Variants in LIPA observed in about 807,000 individuals in gnomAD.
LIPA encodes lipase A, lysosomal acid type.
In LIPA, 26 loss-of-function variants were observed where a neutral mutation model predicts 40.6. That is an observed-to-expected ratio of 0.64 (90% CI 0.47 to 0.89). The LOEUF (loss-of-function observed/expected upper bound fraction) is 0.89. Ranked by LOEUF, LIPA falls within the 40% of genes least tolerant of loss-of-function variation. The probability of loss-of-function intolerance (pLI) is 0.00; values close to 1 mark genes in which losing one functional copy is unlikely to be tolerated. For missense variants in LIPA, 455 were observed against 479.6 expected, an observed-to-expected ratio of 0.95 and a Z score of 0.48; for synonymous variants, 188 against 168.4, an observed-to-expected ratio of 1.12 and a Z score of -0.90.
chr10:89,258,328 C>G (rs959975658), intron 1 of LIPA, among the ~76,000 whole-genome samples: 1 of 151,802 alleles, frequency 6.6e-6, no homozygotes. Flanking sequence ...TATAGGAGTT[C>G]CTGGAAAAAA....
intron 2 of LIPA, chr10:89,384,105 AG>A: frequency 6.2e-7 from 1 of 1,614,182 alleles, no homozygotes; most frequent in African/African-American, 1.3e-5. Flanking sequence ...ATCGAAGAAA[AG>A]GGTCTGTGGA....
At chr10:89,412,205 G>C (rs1030194679) in intron 2 of LIPA, among the ~76,000 whole-genome samples, 1 of 152,182 alleles carries the variant, frequency 6.6e-6, no homozygotes, top group Non-Finnish European at 1.5e-5. Flanking sequence ...CTGTTTAGAG[G>C]GGGGATTGAG....
intron 2 of LIPA, among the ~76,000 whole-genome samples, chr10:89,350,306 T>G: frequency 1.9e-5 from 2 of 103,228 alleles, no homozygotes; most frequent in Non-Finnish European, 2.2e-5. Flanking sequence ...GAACAAAGAG[T>G]GAAGTTACCT....
intron 2 of LIPA, chr10:89,403,160 C>A: frequency 5.6e-6 from 9 of 1,613,864 alleles, no homozygotes; most frequent in Non-Finnish European, 7.6e-6. Context: ...GGCTTTGCTA[C>A]AAGGCACAAA....
At chr10:89,248,631 C>A (rs1441238148) in intron 1 of LIPA, among the ~76,000 whole-genome samples, 1 of 149,608 alleles carries the variant, frequency 6.7e-6, no homozygotes, top group East Asian at 1.9e-4. Flanking sequence ...CCCGCCACCA[C>A]GCCCGGCAAA....
At chr10:89,358,730 C>G (rs759815450) in intron 2 of LIPA, among the ~76,000 whole-genome samples, 7 of 152,068 alleles carry the variant, frequency 4.6e-5, no homozygotes, top group Admixed American at 3.9e-4. Flanking sequence ...CAAAGTGGAT[C>G]TCATGGACAT....
chr10:89,401,119 C>CT (rs34774861), intron 2 of LIPA, among the ~76,000 whole-genome samples: 2,742 of 139,864 alleles, frequency 0.02, 49 homozygotes, highest in African/African-American at 0.051. Context: ...ATTTAGATGA[C>CT]TTTTTTTTTT....
chr10:89,217,138 T>C (rs1041321749), intron 8 of LIPA, among the ~76,000 whole-genome samples: 7 of 152,256 alleles, frequency 4.6e-5, no homozygotes, highest in African/African-American at 1.7e-4. Context: ...GCCAAATGAA[T>C]TTGAAATGGT....
chr10:89,319,762 A>T (rs1447969815), intron 1 of LIPA, among the ~76,000 whole-genome samples: 2 of 152,228 alleles, frequency 1.3e-5, no homozygotes, highest in African/African-American at 2.4e-5. Context: ...ACAACAAAAA[A>T]AGAGAATATC....
chr10:89,306,633 G>A (rs779333748), intron 1 of LIPA: 1 of 1,614,124 alleles, frequency 6.2e-7, no homozygotes, highest in South Asian at 1.1e-5. Flanking sequence ...CGTGAAGAAG[G>A]TGAAGAGGAA....
At chr10:89,295,010 GGAAATGAAAT>G in intron 1 of LIPA, among the ~76,000 whole-genome samples, 2 of 120,442 alleles carry the variant, frequency 1.7e-5, no homozygotes, top group African/African-American at 7.4e-5. Flanking sequence ...AGAAAGGAAA[GGAAATGAAAT>G]GAAAGGAAAG....
Position 89,214,805 on chromosome 10 carries a change from G to T in LIPA, c.*23C>A. On this transcript the variant is annotated 3_prime_UTR_variant, in exon 10 of 10. Transcript: ENST00000336233. ...CACATGACATAATCATTGACTTGGT[G>T]GTACACAGCTCAAGTCCAGCTTTCA... The T allele has an allele frequency of 7.6e-7, 1 of 1,314,872 alleles. No individual in the cohort carries two copies. The highest frequency in any genetic ancestry group is 1.2e-5 in the South Asian group (1 of 84,590). 81.5% of individuals were successfully genotyped at this position (1,314,872 alleles called of 1,614,324 possible). A position where few individuals can be genotyped will look rare whatever the true frequency, so the allele number is the denominator to read the frequency against.
chr10:89,392,471 A>T (rs201777435), intron 2 of LIPA: 5 of 131,586 alleles, frequency 3.8e-5, no homozygotes, highest in Non-Finnish European at 8.0e-5. Flanking sequence ...TTCATTCCCC[A>T]CCCCCCCCCG....
chr10:89,380,551 G>A (rs535562889), intron 2 of LIPA, among the ~76,000 whole-genome samples: 53 of 151,392 alleles, frequency 3.5e-4, no homozygotes, highest in African/African-American at 1.1e-3. Flanking sequence ...ATCCTCCCAC[G>A]TCAGCCCAAG....
In LIPA at chr10:89,214,971, C is replaced by T. The variant is rs751167376; in HGVS notation, c.1057G>A (p.Val353Ile). ...GTGATCTGAGTCAGTAAGATATTGA[C>T]GTCGTAGACATCTGCAAGCCAGTCG... The part of the protein sequence containing the change: ...GHDWLADVYD[V>I]NILLTQITNL... Residue 353 changes from valine (V) to isoleucine (I), a missense_variant, in exon 10 of 10, where the codon GTC becomes ATC. Coordinates refer to ENST00000336233, the MANE Select transcript of LIPA (RefSeq NM_000235.4). 21 of 1,614,046 alleles carry T rather than the reference C, an allele frequency of 1.3e-5. No individual in the cohort carries two copies. Among genetic ancestry groups the T allele is most frequent in the Non-Finnish European group, 1.7e-5 (20 of 1,179,920 alleles).
At chr10:89,261,685 C>G (rs1157156846) in intron 1 of LIPA, among the ~76,000 whole-genome samples, 1 of 152,206 alleles carries the variant, frequency 6.6e-6, no homozygotes, top group African/African-American at 2.4e-5. Flanking sequence ...AGCCCCCTCT[C>G]AGTGCAGAGG....
chr10:89,406,613 T>C (rs1204158239), intron 2 of LIPA: 2 of 152,762 alleles, frequency 1.3e-5, no homozygotes, highest in African/African-American at 4.8e-5. Context: ...ACACCACCTT[T>C]AAGACCTGTA....
Position 89,226,931 on chromosome 10 carries a change from C to T in LIPA, c.502G>A (p.Val168Met). The T allele has an allele frequency of 6.2e-7, 1 of 1,612,314 alleles. No homozygotes were observed. Among genetic ancestry groups the T allele is most frequent in the Non-Finnish European group, 8.5e-7 (1 of 1,178,540 alleles). ...FILNKTGQEQVYYVGHSQGTT... is the reference protein window; with the variant it reads ...FILNKTGQEQMYYVGHSQGTT... ...CCTTGAGAATGACCCACATAATACA[C>T]TTGTTCTTGGCCAGTTTTATTCAGA... is the stretch of plus-strand genomic sequence containing the variant. Residue 168 changes from valine to methionine, a missense_variant, in exon 5 of 10, where the codon GTG (valine) becomes ATG (methionine). By Grantham distance (21) the Val-to-Met change is conservative. Transcript: ENST00000336233.
chr10:89,403,427 T>C, intron 2 of LIPA: 2 of 1,613,974 alleles, frequency 1.2e-6, no homozygotes, highest in South Asian at 1.1e-5. Context: ...ATTTCCACTA[T>C]GGTCGGTTTC....
Sources: allele counts gnomAD v4.1 joint callset (sites outside exome capture counted in the v4.1 genomes callset), GRCh38; gene constraint gnomAD v4.1.1; transcripts MANE v1.5; gene names NCBI Gene and HGNC (gene_info 2026-07-23, HGNC 2026-07-21).